Variants in MFHAS1 observed in about 807,000 individuals in gnomAD.
The protein encoded by MFHAS1 is malignant fibrous histiocytoma-amplified sequence 1.
MFHAS1 carries 50 observed loss-of-function variants against 70.4 expected under a neutral mutation model. The observed-to-expected ratio is 0.71, with a 90% CI of 0.57 to 0.90. MFHAS1 has a LOEUF of 0.90. Among genes scored for constraint, MFHAS1 ranks in the 40% least tolerant of loss-of-function variants. The pLI is 0.00. For synonymous variants in MFHAS1, 952 were observed against 620.0 expected, an observed-to-expected ratio of 1.54 and a Z score of -7.96; for missense variants, 1,795 against 1,347.6, an observed-to-expected ratio of 1.33 and a Z score of -5.20.
intron 1 of MFHAS1, among the ~76,000 whole-genome samples, chr8:8,826,926 G>T (rs1159132323): frequency 6.6e-6 from 1 of 152,168 alleles, no homozygotes; most frequent in Non-Finnish European, 1.5e-5. Context: ...CTGAGGCAGG[G>T]ATGGCATAGT....
chr8:8,810,770 G>A (rs898615434), intron 1 of MFHAS1, among the ~76,000 whole-genome samples: 9 of 152,196 alleles, frequency 5.9e-5, no homozygotes, highest in African/African-American at 1.9e-4. Context: ...GTGATTCCAT[G>A]GGAGGGGGCT....
At chr8:8,812,812 CT>C (rs60073172) in intron 1 of MFHAS1, among the ~76,000 whole-genome samples, 100,165 of 151,986 alleles carry the variant, frequency 0.66, 33,795 homozygotes, top group East Asian at 0.84. Context: ...GTCACCCAGG[CT>C]TAGAGTGCAG....
rs1172036228 is a variant in MFHAS1 at position 8,890,525 on chromosome 8, G to T, written c.2534C>A (p.Thr845Lys). The part of the protein sequence containing the change: ...KPKGKPLNGS[T>K]AWYKFPCYVQ... ...ATAGCATGGGAACTTGTACCAAGCTGTGGACCCATTCAAAGGCTTGCCCTT... is the reference window on the plus strand; with the variant it reads ...ATAGCATGGGAACTTGTACCAAGCTTTGGACCCATTCAAAGGCTTGCCCTT... Residue 845 changes from threonine (T) to lysine (K), a missense_variant, in exon 1 of 3, where the codon ACA (threonine) becomes AAA (lysine). Thr to Lys is a moderately conservative substitution (Grantham distance 78). Coordinates refer to ENST00000276282, the MANE Select transcript of MFHAS1 (RefSeq NM_004225.3). 1 of 1,613,354 alleles carries T rather than the reference G, an allele frequency of 6.2e-7. No homozygotes were observed.
At chr8:8,850,903 G>T (rs1031163683) in intron 1 of MFHAS1, among the ~76,000 whole-genome samples, 1 of 150,556 alleles carries the variant, frequency 6.6e-6, no homozygotes, top group Non-Finnish European at 1.5e-5. Context: ...CAACACTCAC[G>T]TAATCTCAGC....
rs576197534 is a variant in MFHAS1 at position 8,841,486 on chromosome 8, C to A, written c.2999-43995G>T. On this transcript the variant is annotated intron_variant, in intron 1 of 2. Transcript: ENST00000276282. ...TCGTCTCAAAAAAAAAAAAAGACTT[C>A]TTTTTGTTGTTTGCTGGGAATGGAT... Among the ~76,000 whole-genome samples, 925 of 151,434 alleles carry A rather than the reference C, an allele frequency of 6.1e-3. 8 individuals are homozygous for A. The highest frequency in any genetic ancestry group is 0.028 in the South Asian group (132 of 4,768).
chr8:8,804,172 T>G (rs1806194300), intron 1 of MFHAS1, among the ~76,000 whole-genome samples: 1 of 152,114 alleles, frequency 6.6e-6, no homozygotes. Context: ...GAATATATCC[T>G]AAGGTATGGT....
rs150644520 is a variant in MFHAS1, at chr8:8,817,808, G to C, written c.2999-20317C>G. On this transcript the variant is annotated intron_variant, in intron 1 of 2. Coordinates refer to ENST00000276282, the MANE Select transcript of MFHAS1 (RefSeq NM_004225.3). ...TCCCTAGCATGCAGAATTCACAATA[G>C]AGTTCAAGCTCCTATGAGAACCTAA... Among the ~76,000 whole-genome samples, 32 of 152,312 alleles carry C rather than the reference G, an allele frequency of 2.1e-4. No homozygotes were observed. In the East Asian group the frequency reaches 5.0e-3, roughly 24 times the overall value.
At chr8:8,824,644 C>T (rs948775334) in intron 1 of MFHAS1, among the ~76,000 whole-genome samples, 2 of 151,926 alleles carry the variant, frequency 1.3e-5, no homozygotes, top group Admixed American at 6.6e-5. Context: ...AACATAAGAT[C>T]CTGCCCTCAA....
chr8:8,793,613 G>GTGA (rs1340187621), intron 2 of MFHAS1, among the ~76,000 whole-genome samples: 1 of 152,248 alleles, frequency 6.6e-6, no homozygotes, highest in Non-Finnish European at 1.5e-5. Context: ...TGAACAGTGA[G>GTGA]TGATATGTTC....
chr8:8,793,709 T>C (rs1222978906), intron 2 of MFHAS1, among the ~76,000 whole-genome samples: 1 of 152,238 alleles, frequency 6.6e-6, no homozygotes, highest in Non-Finnish European at 1.5e-5. Flanking sequence ...GAGCAGGTAT[T>C]GACCACAGAG....
At chr8:8,798,566 G>A (rs1345988542) in intron 1 of MFHAS1, among the ~76,000 whole-genome samples, 1 of 152,040 alleles carries the variant, frequency 6.6e-6, no homozygotes, top group African/African-American at 2.4e-5. Flanking sequence ...CAAACTTCTG[G>A]CCTCAAGCAA....
intron 1 of MFHAS1, among the ~76,000 whole-genome samples, chr8:8,851,248 ATAGAAAC>A (rs139682668): frequency 0.011 from 1,747 of 152,326 alleles, 39 homozygotes; most frequent in African/African-American, 0.04. Context: ...TGTCTTATAA[ATAGAAAC>A]TATATTTTGT....
intron 2 of MFHAS1, among the ~76,000 whole-genome samples, chr8:8,791,099 A>C (rs1159285272): frequency 6.6e-6 from 1 of 150,462 alleles, no homozygotes; most frequent in Non-Finnish European, 1.5e-5. Flanking sequence ...GCTTAGCTCA[A>C]CCATTTTCAA....
At chr8:8,851,952 G>C (rs1404349538) in intron 1 of MFHAS1, among the ~76,000 whole-genome samples, 1 of 152,082 alleles carries the variant, frequency 6.6e-6, no homozygotes, top group Non-Finnish European at 1.5e-5. Flanking sequence ...GTGTAAATCT[G>C]AGGTCACCAG....
At chr8:8,799,508 C>G (rs1806014310) in intron 1 of MFHAS1, among the ~76,000 whole-genome samples, 1 of 152,216 alleles carries the variant, frequency 6.6e-6, no homozygotes. Context: ...CTAATCCCAG[C>G]ACTTTGCGAG....
Position 8,890,385 on chromosome 8 carries a change from G to T in MFHAS1, c.2674C>A (p.Leu892Ile). ...IEYSFPFTFP[L>I]GLFARYSVQI... ...ACACTGTAGCGTGCAAACAACCCAA[G>T]TGGAAAAGTAAAAGGAAAGCTATAT... Residue 892 changes from leucine (L) to isoleucine (I), a missense_variant, in exon 1 of 3, where the codon CTT becomes ATT. Physicochemically the swap from Leu to Ile is conservative, Grantham distance 5 (BLOSUM62 2). Transcript: ENST00000276282. 6.2e-7 allele frequency: 1 copy of T among 1,614,100 alleles called. No homozygotes were observed. The highest frequency in any genetic ancestry group is 8.5e-7 in the Non-Finnish European group (1 of 1,180,042).
intron 2 of MFHAS1, among the ~76,000 whole-genome samples, chr8:8,790,045 C>T (rs1006061027): frequency 6.6e-6 from 1 of 152,150 alleles, no homozygotes; most frequent in Non-Finnish European, 1.5e-5. Flanking sequence ...TTTATTTCTG[C>T]ATAATATTAA....
At chr8:8,887,222 G>A (rs561917175) in intron 1 of MFHAS1, among the ~76,000 whole-genome samples, 4 of 152,174 alleles carry the variant, frequency 2.6e-5, no homozygotes, top group African/African-American at 9.6e-5. Context: ...TAATAATCTA[G>A]GGATTCAATG....
chr8:8,890,530 C>G lies in MFHAS1; in HGVS notation c.2529G>C (p.Gly843=), dbSNP rs760538919. 4 of 1,613,446 alleles carry G rather than the reference C, an allele frequency of 2.5e-6. No homozygotes were observed. Among genetic ancestry groups the G allele is most frequent in the East Asian group, 2.2e-5 (1 of 44,892 alleles). ...LNKPKGKPLN[G]STAWYKFPCY... Reference sequence around the variant, plus strand: ...ATGGGAACTTGTACCAAGCTGTGGACCCATTCAAAGGCTTGCCCTTGGGTT... The same window carrying G: ...ATGGGAACTTGTACCAAGCTGTGGAGCCATTCAAAGGCTTGCCCTTGGGTT... Residue 843 remains glycine (G), a synonymous_variant, in exon 1 of 3, where the codon GGG becomes GGC. Coordinates refer to ENST00000276282, the MANE Select transcript of MFHAS1 (RefSeq NM_004225.3).
Sources: gnomAD v4.1 joint callset for allele counts (sites outside exome capture counted in the v4.1 genomes callset) on GRCh38, gnomAD v4.1.1 for gene constraint, MANE v1.5 for transcripts, NCBI Gene and HGNC (gene_info 2026-07-23, HGNC 2026-07-21) for gene names.